CCDC141: variants seen among roughly 807,000 people sequenced by gnomAD.
CCDC141 encodes coiled-coil domain containing 141.
A neutral mutation model predicts 181.0 loss-of-function variants in CCDC141; 168 were observed. That is an observed-to-expected ratio of 0.93 (90% CI 0.82 to 1.05). The LOEUF (loss-of-function observed/expected upper bound fraction) is 1.05. Among genes scored for constraint, CCDC141 ranks in the 50% least tolerant of loss-of-function variants. The pLI is 0.00. For missense variants in CCDC141, 1,902 were observed against 1,788.5 expected, an observed-to-expected ratio of 1.06 and a Z score of -1.14; for synonymous variants, 666 against 642.3, an observed-to-expected ratio of 1.04 and a Z score of -0.56.
chr2:178,872,890 CA>C (rs1686183742), intron 12 of CCDC141: 1 of 152,122 alleles, frequency 6.6e-6, no homozygotes, highest in Non-Finnish European at 1.5e-5. Flanking sequence ...ACCGGAAGCA[CA>C]GTATCTAAAA....
intron 2 of CCDC141, among the ~76,000 whole-genome samples, chr2:179,011,922 G>A (rs1441479057): frequency 6.6e-6 from 1 of 152,076 alleles, no homozygotes; most frequent in Non-Finnish European, 1.5e-5. Context: ...CTTCAAACTG[G>A]ATGACAATAA....
chr2:178,845,664 T>C lies in CCDC141; in HGVS notation c.3436A>G (p.Lys1146Glu), dbSNP rs765201618. The change falls in exon 22 of 24, where the codon AAA (lysine) becomes GAA (glutamate). Residue 1146 changes from lysine to glutamate, a missense_variant. By Grantham distance (56) the Lys-to-Glu change is moderately conservative. Coordinates refer to ENST00000443758, the MANE Select transcript of CCDC141 (RefSeq NM_173648.4). The stretch of plus-strand genomic sequence containing the variant: ...TCATTGAATATTGTCTGCTTATTTT[T>C]TGCTGGTTCCTTTAGCAAGTCAATG... ...DYIDLLKEPAKNKQTIFNEER... is the reference protein window; with the variant it reads ...DYIDLLKEPAENKQTIFNEER... 1.2e-6 allele frequency: 2 copies of C among 1,611,002 alleles called. No individual in the cohort carries two copies. Among genetic ancestry groups the C allele is most frequent in the East Asian group, 2.2e-5 (1 of 44,786 alleles).
intron 11 of CCDC141, among the ~76,000 whole-genome samples, chr2:178,881,310 G>A (rs1011189523): frequency 7.2e-5 from 11 of 152,126 alleles, no homozygotes; most frequent in Non-Finnish European, 7.4e-5. Context: ...TGGGGATGAT[G>A]GACATATACT....
intron 2 of CCDC141, among the ~76,000 whole-genome samples, chr2:179,000,536 G>C (rs1436991576): frequency 6.6e-6 from 1 of 152,124 alleles, no homozygotes; most frequent in East Asian, 1.9e-4. Context: ...AGTATTATGA[G>C]TCCTTTGTTT....
intron 8 of CCDC141, among the ~76,000 whole-genome samples, chr2:178,900,556 C>A (rs1687636355): frequency 6.6e-6 from 1 of 151,930 alleles, no homozygotes; most frequent in African/African-American, 2.4e-5. Flanking sequence ...CCACTCTTGG[C>A]ACATAAAGAA....
intron 6 of CCDC141, among the ~76,000 whole-genome samples, chr2:178,934,941 A>C (rs1689228135): frequency 6.6e-6 from 1 of 152,176 alleles, no homozygotes. Flanking sequence ...CCAAAATGTA[A>C]TATGCTGCTT....
At chr2:178,989,891 G>GCA (rs1193394132) in intron 2 of CCDC141, among the ~76,000 whole-genome samples, 1 of 143,018 alleles carries the variant, frequency 7.0e-6, no homozygotes, top group Non-Finnish European at 1.5e-5. Context: ...TGTAATCCCA[G>GCA]CACTTTGGGA....
chr2:178,932,202 A>G lies in CCDC141; in HGVS notation c.897+12333T>C, dbSNP rs145547579. Among the ~76,000 whole-genome samples, 45 of 152,252 alleles carry G rather than the reference A, an allele frequency of 3.0e-4. No homozygotes were observed. The East Asian group carries it at 4.4e-3, about 15-fold the overall frequency. On this transcript the variant is annotated intron_variant, in intron 6 of 23. Transcript: ENST00000443758. Reference sequence around the variant, plus strand: ...AAAAAAACACACACACATGCACACAAAACTGTTATATACAACCACGTTTAA... The same window carrying G: ...AAAAAAACACACACACATGCACACAGAACTGTTATATACAACCACGTTTAA...
At chr2:178,963,508 T>G (rs548309423) in intron 4 of CCDC141, among the ~76,000 whole-genome samples, 52 of 152,234 alleles carry the variant, frequency 3.4e-4, no homozygotes, top group African/African-American at 1.2e-3. Flanking sequence ...TGGACTGAAC[T>G]GGTGCTGAAA....
Position 178,888,405 on chromosome 2 carries a change from T to C in CCDC141, c.1407+122A>G, listed in dbSNP as rs562127967. The stretch of plus-strand genomic sequence containing the variant: ...TGTTTAGTTCAATTAAAGGACCCAA[T>C]GTGGTACATAAGGGCAGCCTAAGGA... On this transcript the variant is annotated intron_variant, in intron 9 of 23. Coordinates refer to ENST00000443758, the MANE Select transcript of CCDC141 (RefSeq NM_173648.4). The C allele has an allele frequency of 6.2e-6, 5 of 811,192 alleles. No individual in the cohort carries two copies. In the South Asian group the frequency reaches 6.8e-5, roughly 11 times the overall value. 50.2% of individuals were successfully genotyped at this position (811,192 alleles called of 1,614,324 possible). A position where few individuals can be genotyped will look rare whatever the true frequency, so the allele number is the denominator to read the frequency against.
chr2:178,906,845 G>A (rs1687994579), intron 7 of CCDC141, among the ~76,000 whole-genome samples: 1 of 152,322 alleles, frequency 6.6e-6, no homozygotes, highest in South Asian at 2.1e-4. Context: ...CAAATGTAGA[G>A]GCTATGGTCA....
At chr2:178,904,010 T>C (rs1406226470) in intron 8 of CCDC141, among the ~76,000 whole-genome samples, 5 of 152,098 alleles carry the variant, frequency 3.3e-5, no homozygotes, top group Non-Finnish European at 4.4e-5. Flanking sequence ...TTCTACCCCA[T>C]AGGATCTTTT....
At chr2:178,968,105 CAA>C (rs1690718146) in intron 4 of CCDC141, among the ~76,000 whole-genome samples, 1 of 152,120 alleles carries the variant, frequency 6.6e-6, no homozygotes, top group African/African-American at 2.4e-5. Context: ...TAGAGACCTA[CAA>C]AGAGACTTAG....
intron 6 of CCDC141, among the ~76,000 whole-genome samples, chr2:178,937,352 G>A (rs1453725369): frequency 1.3e-5 from 2 of 152,132 alleles, no homozygotes; most frequent in East Asian, 3.8e-4. Flanking sequence ...AGAAAATCAT[G>A]TAGTTTTTGT....
At chr2:178,969,375 A>G (rs1389057207) in intron 4 of CCDC141, among the ~76,000 whole-genome samples, 1 of 152,192 alleles carries the variant, frequency 6.6e-6, no homozygotes, top group Non-Finnish European at 1.5e-5. Flanking sequence ...AAAATCCTCA[A>G]TAAAATACTG....
chr2:178,837,008 A>G lies in CCDC141; in HGVS notation c.4211T>C (p.Leu1404Pro). The change falls in exon 23 of 24, where the codon CTA (leucine) becomes CCA (proline). Residue 1404 changes from leucine to proline, a missense_variant. Physicochemically the swap from Leu to Pro is moderately conservative, Grantham distance 98. Coordinates refer to ENST00000443758, the MANE Select transcript of CCDC141 (RefSeq NM_173648.4). ...GGAGAAATTAGGTGCCTGGTCAGCT[A>G]GGCTGACCACGCTGCTCTTTGCTGA... ...STSAKSSVVS[L>P]ADQAPNFSRL... The G allele has an allele frequency of 1.2e-6, 2 of 1,613,870 alleles. No homozygotes were observed. The highest frequency in any genetic ancestry group is 1.7e-4 in the Middle Eastern group (1 of 5,964).
intron 16 of CCDC141, 55 bp downstream of exon 16, chr2:178,867,971 T>C: frequency 7.0e-7 from 1 of 1,432,900 alleles, no homozygotes; most frequent in East Asian, 2.3e-5. Flanking sequence ...TTTCATATGC[T>C]AGCCCAAGCC....
At chr2:178,947,195 T>C (rs986631485) in intron 5 of CCDC141, among the ~76,000 whole-genome samples, 11 of 152,138 alleles carry the variant, frequency 7.2e-5, no homozygotes, top group African/African-American at 2.2e-4. Flanking sequence ...GCCCAGCGAG[T>C]AGCTACTGCA....
Position 179,050,046 on chromosome 2 carries a change from G to A in CCDC141, c.-105C>T. The A allele has an allele frequency of 1.3e-6, 2 of 1,512,486 alleles. No individual in the cohort carries two copies. The highest frequency in any genetic ancestry group is 2.5e-5 in the South Asian group (2 of 79,842). 93.7% of individuals were successfully genotyped at this position (1,512,486 alleles called of 1,614,324 possible). ...TTACTTGGATTCATTCAGGGAAAGA[G>A]CTCAGCTCACACTGATTACTCTGCC... On this transcript the variant is annotated 5_prime_UTR_variant, in exon 1 of 24. Coordinates refer to ENST00000443758, the MANE Select transcript of CCDC141 (RefSeq NM_173648.4).
Sources: allele counts gnomAD v4.1 joint callset (sites outside exome capture counted in the v4.1 genomes callset), GRCh38; gene constraint gnomAD v4.1.1; transcripts MANE v1.5; gene names NCBI Gene and HGNC (gene_info 2026-07-23, HGNC 2026-07-21).